Variants in RELN observed in about 807,000 individuals in gnomAD.
RELN encodes the protein reelin.
Under a neutral mutation model 427.6 loss-of-function variants are expected in RELN, and 108 were observed. That is an observed-to-expected ratio of 0.25 (90% CI 0.22 to 0.30). The LOEUF is 0.30. Among genes scored for constraint, RELN ranks in the 10% least tolerant of loss-of-function variants. The probability of loss-of-function intolerance (pLI) is 1.00; values close to 1 mark genes in which losing one functional copy is unlikely to be tolerated. For synonymous variants in RELN, 1,524 were observed against 1,513.4 expected (o/e 1.01, Z -0.16); for missense variants, 3,715 against 4,302.8 (o/e 0.86, Z 3.82).
At position 103,572,253 on chromosome 7, in the gene RELN, G is replaced by A; in HGVS notation, c.4519C>T (p.Gln1507Ter). The change falls in exon 31 of 65, where the codon CAA becomes TAA. Residue 1507 changes from glutamine (Q) to a stop codon, truncating the protein, a stop_gained. Coordinates refer to ENST00000428762, the MANE Select transcript of RELN (RefSeq NM_005045.4). LOFTEE classifies it high-confidence loss of function. ...TTGCTTCCAATTTGTATATAAAATT[G>A]AACAAGTCTGGGGAATAAAAACTTT... ...PLDTRNIRLV[Q>*]FYIQIGSKTS... is the part of the protein sequence containing the mutation. The A allele has an allele frequency of 6.4e-7, 1 of 1,559,568 alleles. No individual in the cohort carries two copies. Among genetic ancestry groups the A allele is most frequent in the Non-Finnish European group, 8.8e-7 (1 of 1,130,526 alleles).
chr7:103,631,895 T>G (rs1486816475), intron 19 of RELN, among the ~76,000 whole-genome samples: 1 of 152,102 alleles, frequency 6.6e-6, no homozygotes, highest in African/African-American at 2.4e-5. Flanking sequence ...TATTAGAAAG[T>G]TATAATTTTT....
intron 45 of RELN, among the ~76,000 whole-genome samples, chr7:103,536,329 C>A (rs1046561517): frequency 6.6e-6 from 1 of 152,170 alleles, no homozygotes; most frequent in African/African-American, 2.4e-5. Context: ...ATTTCTCTCT[C>A]CCTATTCACT....
At chr7:103,942,610 A>G (rs1796137726) in intron 1 of RELN, among the ~76,000 whole-genome samples, 1 of 152,160 alleles carries the variant, frequency 6.6e-6, no homozygotes, top group Admixed American at 6.5e-5. Flanking sequence ...ATGGATGTTT[A>G]ATAGGTATTC....
intron 57 of RELN, among the ~76,000 whole-genome samples, chr7:103,494,533 C>A (rs565991842): frequency 1.6e-5 from 2 of 124,742 alleles, no homozygotes; most frequent in Admixed American, 9.6e-5. Context: ...TGCCACCACG[C>A]CCAGCTAATT....
At chr7:103,764,935 T>C (rs1457356628) in intron 4 of RELN, among the ~76,000 whole-genome samples, 2 of 146,922 alleles carry the variant, frequency 1.4e-5, no homozygotes, top group African/African-American at 2.5e-5. Context: ...AAAAGAGAAG[T>C]CAGGTAGGGT....
rs562305402 is a variant in RELN, at chr7:103,733,182, T to A, written c.657-4975A>T. On this transcript the variant is annotated intron_variant, in intron 6 of 64. Transcript: ENST00000428762. ...GACATTTATGCAGCTAAAAAACACA[T>A]GAAAGAATGCTCATCATCACTGGCC... is the stretch of plus-strand genomic sequence containing the variant. Among the ~76,000 whole-genome samples, 59 of 152,228 alleles carry A rather than the reference T, an allele frequency of 3.9e-4. 1 individual carries two copies. The highest frequency in any genetic ancestry group is 1.4e-3 in the African/African-American group (59 of 41,536).
At chr7:103,545,056 T>C (rs1159461332) in intron 42 of RELN, 68 bp downstream of exon 42, 6 of 1,123,314 alleles carry the variant, frequency 5.3e-6, no homozygotes, top group Admixed American at 1.7e-5. Context: ...ATTAGTTATC[T>C]ACCAAAAATT....
intron 8 of RELN, among the ~76,000 whole-genome samples, chr7:103,707,511 T>G (rs1284505208): frequency 6.6e-6 from 1 of 151,860 alleles, no homozygotes; most frequent in African/African-American, 2.4e-5. Flanking sequence ...TTTCTTTTTT[T>G]TTTTTTGAGA....
chr7:103,828,993 C>T (rs952575623), intron 3 of RELN, among the ~76,000 whole-genome samples: 4 of 151,852 alleles, frequency 2.6e-5, no homozygotes, highest in African/African-American at 7.2e-5. Flanking sequence ...GCTTTGAAAC[C>T]AGACTGCCTT....
At chr7:103,636,542 G>A in intron 17 of RELN, 74 bp from the exon 18 acceptor site, 1 of 969,206 alleles carries the variant, frequency 1.0e-6, no homozygotes, top group African/African-American at 1.6e-5. Flanking sequence ...CTTTGGGGAG[G>A]AAGAAGTCCA....
chr7:103,740,779 G>C (rs1790624965), intron 6 of RELN, among the ~76,000 whole-genome samples: 1 of 152,190 alleles, frequency 6.6e-6, no homozygotes, highest in Non-Finnish European at 1.5e-5. Context: ...AGATTGTACA[G>C]ACATAACTAG....
At chr7:103,897,133 C>G (rs2116608155) in intron 2 of RELN, among the ~76,000 whole-genome samples, 1 of 152,232 alleles carries the variant, frequency 6.6e-6, no homozygotes, top group Non-Finnish European at 1.5e-5. Flanking sequence ...ATTAAATTAC[C>G]TCCCACTGGG....
rs1184719737 is a variant in RELN at position 103,764,519 on chromosome 7, T to TGA, written c.545-11307_545-11306dup. ...GGGAGATGAAAATTATAGGTGTGAG[T>TGA]GAGTTCAACAGGGACAATATAAAAG... is the stretch of plus-strand genomic sequence containing the variant. On this transcript the variant is annotated intron_variant, in intron 4 of 64. Transcript: ENST00000428762. Among the ~76,000 whole-genome samples, 3 of 151,636 alleles carry TGA rather than the reference T, an allele frequency of 2.0e-5. No homozygotes were observed. The East Asian group carries it at 5.8e-4, about 30-fold the overall frequency.
In RELN at chr7:103,640,622, A is replaced by G. The variant is rs372568558; in HGVS notation, c.2003-13T>C. 8.7e-6 allele frequency: 14 copies of G among 1,613,460 alleles called. No individual in the cohort carries two copies. The highest frequency in any genetic ancestry group is 3.3e-4 in the Middle Eastern group (2 of 6,052). On this transcript the variant is annotated splice_polypyrimidine_tract_variant and intron_variant, in intron 16 of 64. Transcript: ENST00000428762. The surrounding 1 kb of genome is among the most constrained non-coding windows in gnomAD (Gnocchi z 4.1). Reference sequence around the variant, plus strand: ...GGGCCAATATAAACTGTGGGAGGGAAAAAGAGAACATAATTACAAAAACAT... The same window carrying G: ...GGGCCAATATAAACTGTGGGAGGGAGAAAGAGAACATAATTACAAAAACAT...
chr7:103,635,648 T>A, intron 18 of RELN, 62 bp from the exon 19 acceptor site: 1 of 1,456,302 alleles, frequency 6.9e-7, no homozygotes. Flanking sequence ...ATGTTCATTT[T>A]GGTCTTTAAA....
At chr7:103,577,159 G>A (rs865981243) in intron 28 of RELN, among the ~76,000 whole-genome samples, 15 of 152,274 alleles carry the variant, frequency 9.9e-5, no homozygotes, top group African/African-American at 3.6e-4. Flanking sequence ...GATTAATGAA[G>A]GTTGTTAAGG....
rs1796701243 is a variant in RELN, at chr7:103,968,529, G to A, written c.226+20602C>T. 6.6e-6 allele frequency among the ~76,000 whole-genome samples: 1 copy of A among 151,986 alleles called. No individual in the cohort carries two copies. Among genetic ancestry groups the A allele is most frequent in the Non-Finnish European group, 1.5e-5 (1 of 68,016 alleles). On this transcript the variant is annotated intron_variant, in intron 1 of 64. Coordinates refer to ENST00000428762, the MANE Select transcript of RELN (RefSeq NM_005045.4). This position sits in a 1 kb window ranked among gnomAD's most constrained non-coding sequence, Gnocchi z 4.3. ...GTATGAAAGAAATTGTAAAAGGTAA[G>A]CAAATGTAAAAAAGAAGAAATTAGA...
At chr7:103,759,966 C>T (rs575671198) in intron 4 of RELN, among the ~76,000 whole-genome samples, 1 of 135,322 alleles carries the variant, frequency 7.4e-6, no homozygotes, top group East Asian at 2.3e-4. Context: ...TGACTACATT[C>T]GGTCATTGGT....
At chr7:103,972,737 A>G (rs1377249139) in intron 1 of RELN, among the ~76,000 whole-genome samples, 1 of 152,228 alleles carries the variant, frequency 6.6e-6, no homozygotes, top group Non-Finnish European at 1.5e-5. Flanking sequence ...TGAGAAGAGA[A>G]CTGAGAGCAG....
Sources: gnomAD v4.1 joint callset for allele counts (sites outside exome capture counted in the v4.1 genomes callset) on GRCh38, gnomAD v4.1.1 for gene constraint, Gnocchi (gnomAD v3.1) non-coding constraint, MANE v1.5 for transcripts, NCBI Gene and HGNC (gene_info 2026-07-23, HGNC 2026-07-21) for gene names.